PCDHGA5: variants seen among roughly 807,000 people sequenced by gnomAD.
PCDHGA5 encodes protocadherin gamma subfamily A, 5.
Under a neutral mutation model 56.7 loss-of-function variants are expected in PCDHGA5, and 36 were observed. The ratio of observed to expected loss-of-function variants is 0.64; its 90% confidence interval spans 0.49 to 0.84. PCDHGA5 has a LOEUF of 0.84. Among genes scored for constraint, PCDHGA5 ranks in the 40% least tolerant of loss-of-function variants. PCDHGA5 has a pLI of 0.00. For synonymous variants in PCDHGA5, 563 were observed against 520.2 expected, an observed-to-expected ratio of 1.08 and a Z score of -1.12; for missense variants, 1,305 against 1,201.5, an observed-to-expected ratio of 1.09 and a Z score of -1.27.
intron 1 of PCDHGA5, chr5:141,413,858 G>T: frequency 6.2e-7 from 1 of 1,613,258 alleles, no homozygotes; most frequent in Non-Finnish European, 8.5e-7. Context: ...CTCCGATCTG[G>T]CACTGTCCTT....
intron 1 of PCDHGA5, chr5:141,384,713 C>T (rs1780398191): frequency 4.3e-6 from 7 of 1,614,104 alleles, no homozygotes; most frequent in Non-Finnish European, 5.9e-6. Context: ...GCCTGGCTGT[C>T]ATACCTCCTG....
chr5:141,484,959 C>A, intron 1 of PCDHGA5: 2 of 575,576 alleles, frequency 3.5e-6, no homozygotes, highest in Non-Finnish European at 6.2e-6. Flanking sequence ...ATTGGCTGAG[C>A]CCGGGAGCCG....
Position 141,486,791 on chromosome 5 carries a change from C to G in PCDHGA5, c.2422-8016C>G. On this transcript the variant is annotated intron_variant, in intron 1 of 3. Coordinates refer to ENST00000518069, the MANE Select transcript of PCDHGA5 (RefSeq NM_018918.3). The surrounding 1 kb of genome is among the most constrained non-coding windows in gnomAD (Gnocchi z 5.0). ...GCAGTTTGAGGTGCAGGCCCGGGAT[C>G]GGGGCAACCCACCCCTTAGCAGCAC... The G allele has an allele frequency of 1.9e-6, 3 of 1,614,224 alleles. No individual in the cohort carries two copies. The highest frequency in any genetic ancestry group is 2.5e-6 in the Non-Finnish European group (3 of 1,180,046).
At chr5:141,415,740 G>GTTTTTGTTTTTTTTTT (rs2095911468) in intron 1 of PCDHGA5, 1 of 515,998 alleles carries the variant, frequency 1.9e-6, no homozygotes, top group Non-Finnish European at 2.6e-6. Context: ...GTTTATTAAG[G>GTTTTTGTTTTTTTTTT]TTTTTTTTTT....
Position 141,486,226 on chromosome 5 carries a change from A to G in PCDHGA5, c.2422-8581A>G, listed in dbSNP as rs889500362. 5.0e-6 allele frequency: 8 copies of G among 1,614,012 alleles called. No individual in the cohort carries two copies. The highest frequency in any genetic ancestry group is 6.8e-6 in the Non-Finnish European group (8 of 1,180,018). On this transcript the variant is annotated intron_variant, in intron 1 of 3. Transcript: ENST00000518069. This position sits in a 1 kb window ranked among gnomAD's most constrained non-coding sequence, Gnocchi z 5.0. ...TAAATGACAATGCCCCTTACATCACAGTGACCTCAGAGCTTGGAACCCTCC... is the reference window on the plus strand; with the variant it reads ...TAAATGACAATGCCCCTTACATCACGGTGACCTCAGAGCTTGGAACCCTCC...
Position 141,487,819 on chromosome 5 carries a change from C to T in PCDHGA5, c.2422-6988C>T, listed in dbSNP as rs559702138. 28 of 1,285,530 alleles carry T rather than the reference C, an allele frequency of 2.2e-5. No homozygotes were observed. The highest frequency in any genetic ancestry group is 7.6e-5 in the East Asian group (3 of 39,466). 79.6% of individuals were successfully genotyped at this position (1,285,530 alleles called of 1,614,324 possible). ...AGTTGTCACAGTTTAGCATTGGGGG[C>T]GGGTCATGCCTATATCTGAGTAAGA... is the stretch of plus-strand genomic sequence containing the variant. On this transcript the variant is annotated intron_variant, in intron 1 of 3. Transcript: ENST00000518069. The surrounding 1 kb of genome is among the most constrained non-coding windows in gnomAD (Gnocchi z 5.0).
intron 1 of PCDHGA5, among the ~76,000 whole-genome samples, chr5:141,397,601 T>C (rs1225684125): frequency 5.3e-5 from 8 of 152,198 alleles, no homozygotes; most frequent in Admixed American, 3.3e-4. Flanking sequence ...ATATTGCCAG[T>C]GACAAGGGCA....
intron 1 of PCDHGA5, among the ~76,000 whole-genome samples, chr5:141,465,409 A>G (rs1037916815): frequency 3.3e-5 from 5 of 152,188 alleles, no homozygotes; most frequent in African/African-American, 4.8e-5. Flanking sequence ...AAGAAGCCAA[A>G]TCAGCACTGA....
chr5:141,446,850 C>T (rs1027473189), intron 1 of PCDHGA5, among the ~76,000 whole-genome samples: 2 of 152,114 alleles, frequency 1.3e-5, no homozygotes, highest in Non-Finnish European at 2.9e-5. Flanking sequence ...GCATAATAAG[C>T]TTCCTGATAG....
intron 1 of PCDHGA5, chr5:141,430,740 A>C (rs1485485180): frequency 5.3e-6 from 8 of 1,497,664 alleles, no homozygotes; most frequent in Non-Finnish European, 7.1e-6. Context: ...AATTGAAAAT[A>C]ATTCTGGAGG....
At position 141,490,357 on chromosome 5, in the gene PCDHGA5, A is replaced by G; in HGVS notation, c.2422-4450A>G. ...AGTGGGCACAGTAGTGGGGTTGTTT[A>G]ATGTGCGAGACCGGGACTCAGGTAG... On this transcript the variant is annotated intron_variant, in intron 1 of 3. Transcript: ENST00000518069. This position sits in a 1 kb window ranked among gnomAD's most constrained non-coding sequence, Gnocchi z 5.4. The G allele has an allele frequency of 6.2e-7, 1 of 1,614,178 alleles. No individual in the cohort carries two copies. The highest frequency in any genetic ancestry group is 8.5e-7 in the Non-Finnish European group (1 of 1,180,030).
chr5:141,402,921 T>C (rs1486440819), intron 1 of PCDHGA5: 1 of 1,575,122 alleles, frequency 6.3e-7, no homozygotes. Context: ...CGCACAGAGA[T>C]CCTTTTGAGA....
chr5:141,505,362 G>A (rs766427680), intron 2 of PCDHGA5, 31 bp from the exon 3 acceptor site: 1 of 1,613,966 alleles, frequency 6.2e-7, no homozygotes, highest in Non-Finnish European at 8.5e-7. Flanking sequence ...CGGCCTGGGA[G>A]TCTGTGCTCA....
chr5:141,439,667 C>T (rs149776177), intron 1 of PCDHGA5, among the ~76,000 whole-genome samples: 2,012 of 152,292 alleles, frequency 0.013, 16 homozygotes, highest in Middle Eastern at 0.034. Context: ...TCATGGAATG[C>T]AAATCCAAGA....
Position 141,476,646 on chromosome 5 carries a change from A to G in PCDHGA5, c.2422-18161A>G, listed in dbSNP as rs771366262. 1.9e-6 allele frequency: 3 copies of G among 1,614,132 alleles called. No homozygotes were observed. The highest frequency in any genetic ancestry group is 1.7e-5 in the Admixed American group (1 of 60,010). ...TTACAAACCTATGAGCTGAGCCGAA[A>G]TGAATACTTTGCGCTTCGCGTGCAG... On this transcript the variant is annotated intron_variant, in intron 1 of 3. Transcript: ENST00000518069. This position sits in a 1 kb window ranked among gnomAD's most constrained non-coding sequence, Gnocchi z 7.6.
Position 141,490,975 on chromosome 5 carries a change from C to T in PCDHGA5, c.2422-3832C>T. 1 of 1,614,056 alleles carries T rather than the reference C, an allele frequency of 6.2e-7. No individual in the cohort carries two copies. Among genetic ancestry groups the T allele is most frequent in the African/African-American group, 1.3e-5 (1 of 75,070 alleles). ...CTGGGAACACTCAGCCCCCCAGCGT[C>T]TCCCTCGCTCTGCTCCTCCTGGCTC... On this transcript the variant is annotated intron_variant, in intron 1 of 3. Coordinates refer to ENST00000518069, the MANE Select transcript of PCDHGA5 (RefSeq NM_018918.3). This position sits in a 1 kb window ranked among gnomAD's most constrained non-coding sequence, Gnocchi z 5.4.
intron 1 of PCDHGA5, chr5:141,400,421 G>A (rs1158396440): frequency 1.2e-6 from 2 of 1,613,948 alleles, no homozygotes. Flanking sequence ...TTCCTAAAAT[G>A]TAGTGAGCAA....
chr5:141,432,808 C>T lies in PCDHGA5; in HGVS notation c.2422-61999C>T, dbSNP rs1473886709. ...TCGGCAGCCTCGAGTCTCCAGCTAA[C>T]TCTGAAACCTCAGACCTCACTCTGT... On this transcript the variant is annotated intron_variant, in intron 1 of 3. Transcript: ENST00000518069. This position sits in a 1 kb window ranked among gnomAD's most constrained non-coding sequence, Gnocchi z 6.0. 6.2e-7 allele frequency: 1 copy of T among 1,613,486 alleles called. No homozygotes were observed. Among genetic ancestry groups the T allele is most frequent in the African/African-American group, 1.3e-5 (1 of 74,426 alleles).
chr5:141,418,980 A>T, intron 1 of PCDHGA5: 1 of 1,614,004 alleles, frequency 6.2e-7, no homozygotes. Flanking sequence ...ACACGGGACC[A>T]AGACTCAGGG....
Sources: allele counts gnomAD v4.1 joint callset (sites outside exome capture counted in the v4.1 genomes callset), GRCh38; gene constraint gnomAD v4.1.1; non-coding constraint Gnocchi (gnomAD v3.1); transcripts MANE v1.5; gene names NCBI Gene and HGNC (gene_info 2026-07-23, HGNC 2026-07-21).